ANGPT1: variants seen among roughly 807,000 people sequenced by gnomAD.
ANGPT1 encodes the protein angiopoietin-1.
A neutral mutation model predicts 62.2 loss-of-function variants in ANGPT1; 17 were observed. That is an observed-to-expected ratio of 0.27 (90% CI 0.19 to 0.41). The LOEUF (loss-of-function observed/expected upper bound fraction) is 0.41. Among genes scored for constraint, ANGPT1 ranks in the 10% least tolerant of loss-of-function variants. ANGPT1 has a pLI of 1.00. For missense variants in ANGPT1, 478 were observed against 594.9 expected (o/e 0.80, Z 2.04); for synonymous variants, 199 against 198.9 (o/e 1.00, Z 0.00).
intron 1 of ANGPT1, among the ~76,000 whole-genome samples, chr8:107,444,673 A>C (rs1212462203): frequency 1.3e-5 from 2 of 152,186 alleles, no homozygotes; most frequent in Non-Finnish European, 2.9e-5. Context: ...GGGTTTCCTA[A>C]ATATAGTTTT....
intron 7 of ANGPT1, among the ~76,000 whole-genome samples, chr8:107,273,246 C>A (rs982591311): frequency 1.3e-5 from 2 of 152,006 alleles, no homozygotes; most frequent in Non-Finnish European, 2.9e-5. Flanking sequence ...TTCCAGCATT[C>A]CCTTGGGGTA....
chr8:107,448,696 A>G (rs1811682716), intron 1 of ANGPT1, among the ~76,000 whole-genome samples: 1 of 152,158 alleles, frequency 6.6e-6, no homozygotes, highest in Non-Finnish European at 1.5e-5. Context: ...AATTCTCTTT[A>G]TACCCCAAAT....
chr8:107,328,558 G>T (rs1815343743), intron 3 of ANGPT1, among the ~76,000 whole-genome samples: 1 of 151,806 alleles, frequency 6.6e-6, no homozygotes, highest in African/African-American at 2.4e-5. Flanking sequence ...AGAAAATTTT[G>T]TAACATATAT....
At chr8:107,421,303 A>C (rs1438725136) in intron 1 of ANGPT1, among the ~76,000 whole-genome samples, 1 of 152,186 alleles carries the variant, frequency 6.6e-6, no homozygotes, top group African/African-American at 2.4e-5. Flanking sequence ...TGGAAGTAGT[A>C]TTAGTCACAG....
chr8:107,492,937 A>C (rs1459361828), intron 1 of ANGPT1, among the ~76,000 whole-genome samples: 1 of 150,488 alleles, frequency 6.6e-6, no homozygotes, highest in Non-Finnish European at 1.5e-5. Flanking sequence ...CTGAACAAGA[A>C]ATACTAAGTT....
chr8:107,385,807 G>A (rs889472764), intron 1 of ANGPT1, among the ~76,000 whole-genome samples: 1 of 151,904 alleles, frequency 6.6e-6, no homozygotes, highest in East Asian at 1.9e-4. Context: ...ATGTACCTTC[G>A]ATGCCTAGCT....
At chr8:107,364,219 A>C (rs903900650) in intron 1 of ANGPT1, among the ~76,000 whole-genome samples, 1 of 152,172 alleles carries the variant, frequency 6.6e-6, no homozygotes, top group African/African-American at 2.4e-5. Context: ...TTTTAGTTAT[A>C]TGATTAAATA....
intron 1 of ANGPT1, among the ~76,000 whole-genome samples, chr8:107,428,378 A>AC (rs1053320325): frequency 6.6e-6 from 1 of 152,062 alleles, no homozygotes; most frequent in African/African-American, 2.4e-5. Context: ...GACAAGACTG[A>AC]CCCCCATGAG....
chr8:107,264,376 AAGAT>A, intron 7 of ANGPT1, 25 bp from the exon 8 acceptor site: 3 of 1,608,374 alleles, frequency 1.9e-6, no homozygotes, highest in Middle Eastern at 1.7e-4. Context: ...AAAAAAAAGA[AAGAT>A]AAGCCATTCG....
chr8:107,480,440 C>T (rs1199102698), intron 1 of ANGPT1, among the ~76,000 whole-genome samples: 1 of 152,064 alleles, frequency 6.6e-6, no homozygotes, highest in African/African-American at 2.4e-5. Context: ...ATCATTAATG[C>T]TTTACAAAAA....
chr8:107,406,280 T>C (rs565910714), intron 1 of ANGPT1, among the ~76,000 whole-genome samples: 1 of 152,048 alleles, frequency 6.6e-6, no homozygotes, highest in African/African-American at 2.4e-5. Context: ...GTAAAGACAG[T>C]AACATCTGTC....
chr8:107,464,348 A>G (rs1365516470), intron 1 of ANGPT1, among the ~76,000 whole-genome samples: 1 of 152,184 alleles, frequency 6.6e-6, no homozygotes, highest in Non-Finnish European at 1.5e-5. Flanking sequence ...AAGAGCTTGA[A>G]TAAGACAAAT....
intron 7 of ANGPT1, among the ~76,000 whole-genome samples, chr8:107,267,606 T>A (rs1042274213): frequency 5.3e-5 from 8 of 152,038 alleles, no homozygotes; most frequent in African/African-American, 1.9e-4. Context: ...CACTTCTTCT[T>A]CCCCTTCCCC....
chr8:107,282,666 A>G (rs942004870), intron 7 of ANGPT1, among the ~76,000 whole-genome samples: 1 of 143,172 alleles, frequency 7.0e-6, no homozygotes, highest in Non-Finnish European at 1.5e-5. Context: ...TGGCTTTATA[A>G]TTTTGATTCT....
intron 7 of ANGPT1, among the ~76,000 whole-genome samples, chr8:107,268,107 T>C (rs1813656148): frequency 6.6e-6 from 1 of 152,120 alleles, no homozygotes. Context: ...AGACTATGTC[T>C]TACTCATCTT....
chr8:107,299,391 G>GTATATATATATATATATA (rs59247214), intron 5 of ANGPT1, among the ~76,000 whole-genome samples: 6 of 112,598 alleles, frequency 5.3e-5, no homozygotes, highest in Admixed American at 1.9e-4. Flanking sequence ...ATGAAGGAGT[G>GTATATATATATATATATA]TATATATATA....
intron 7 of ANGPT1, among the ~76,000 whole-genome samples, chr8:107,270,285 C>T (rs1813707710): frequency 6.6e-6 from 1 of 152,060 alleles, no homozygotes; most frequent in African/African-American, 2.4e-5. Flanking sequence ...GGCCTCAACC[C>T]TTTTAAACAG....
chr8:107,286,746 C>T (rs1814151139), intron 6 of ANGPT1, among the ~76,000 whole-genome samples: 1 of 152,144 alleles, frequency 6.6e-6, no homozygotes, highest in African/African-American at 2.4e-5. Flanking sequence ...TATAAGACCA[C>T]TGAAGTTAGT....
intron 1 of ANGPT1, among the ~76,000 whole-genome samples, chr8:107,447,811 C>T (rs187071109): frequency 1.3e-5 from 2 of 152,214 alleles, no homozygotes; most frequent in African/African-American, 2.4e-5. Flanking sequence ...CTGACACATA[C>T]ACAGACACAC....
Sources: gnomAD v4.1 joint callset for allele counts (sites outside exome capture counted in the v4.1 genomes callset) on GRCh38, gnomAD v4.1.1 for gene constraint, MANE v1.5 for transcripts, NCBI Gene and HGNC (gene_info 2026-07-23, HGNC 2026-07-21) for gene names.